Variants in RNLS observed in about 807,000 individuals in gnomAD.
The protein encoded by RNLS is renalase.
Under a neutral mutation model 39.8 loss-of-function variants are expected in RNLS, and 39 were observed. That is an observed-to-expected ratio of 0.98 (90% CI 0.76 to 1.28). RNLS has a LOEUF of 1.28. Among genes scored for constraint, RNLS ranks in the 50% most tolerant of loss-of-function variants. The pLI is 0.00. For missense variants in RNLS, 410 were observed against 413.3 expected, an observed-to-expected ratio of 0.99 and a Z score of 0.07; for synonymous variants, 147 against 150.7, an observed-to-expected ratio of 0.98 and a Z score of 0.18.
chr10:88,331,648 T>C (rs902992699), intron 5 of RNLS, among the ~76,000 whole-genome samples: 1 of 152,024 alleles, frequency 6.6e-6, no homozygotes. Context: ...AGGAGAGAAG[T>C]TGGACAAGGA....
At chr10:88,172,908 G>A in the RNLS span, among the ~76,000 whole-genome samples, 1 of 123,758 alleles carries the variant, frequency 8.1e-6, no homozygotes, top group South Asian at 2.8e-4. Flanking sequence ...CCAGGCTGGA[G>A]TGCAGTGGTG....
the RNLS span, among the ~76,000 whole-genome samples, chr10:88,206,799 A>G: frequency 2.0e-5 from 3 of 152,098 alleles, no homozygotes; most frequent in African/African-American, 7.2e-5. Context: ...AGACATCTCA[A>G]TACTTTTGAA....
chr10:88,269,888 C>T (rs1465132132), downstream of RNLS, among the ~76,000 whole-genome samples: 2 of 152,114 alleles, frequency 1.3e-5, no homozygotes, highest in Non-Finnish European at 2.9e-5. Flanking sequence ...CGCTCTGTTG[C>T]CCAGGCTGGA....
the RNLS span, among the ~76,000 whole-genome samples, chr10:88,244,344 C>T: frequency 6.6e-6 from 1 of 152,230 alleles, no homozygotes; most frequent in Admixed American, 6.5e-5. Context: ...GATGGTGTGA[C>T]AGGCACCGGG....
intron 4 of RNLS, among the ~76,000 whole-genome samples, chr10:88,432,112 T>C (rs1855170053): frequency 6.6e-6 from 1 of 151,792 alleles, no homozygotes; most frequent in East Asian, 1.9e-4. Context: ...TCATTTTTTT[T>C]CCTCATTATC....
At chr10:88,488,705 G>A (rs1589882176) in intron 4 of RNLS, among the ~76,000 whole-genome samples, 1 of 152,002 alleles carries the variant, frequency 6.6e-6, no homozygotes, top group Non-Finnish European at 1.5e-5. Flanking sequence ...ACGGCTAATA[G>A]AGCAAAAGTG....
intron 6 of RNLS, among the ~76,000 whole-genome samples, chr10:88,278,815 G>T (rs1842904896): frequency 6.6e-6 from 1 of 152,184 alleles, no homozygotes. Flanking sequence ...TATTGCCTCT[G>T]TTAAGGATGA....
At chr10:88,271,120 C>T (rs567492214), downstream of RNLS, among the ~76,000 whole-genome samples, 13 of 152,324 alleles carry the variant, frequency 8.5e-5, 1 homozygote, top group East Asian at 2.1e-3. Context: ...GCCTTTGATA[C>T]AGGGCATTTC....
chr10:88,344,763 T>C (rs1848196199), intron 5 of RNLS, among the ~76,000 whole-genome samples: 1 of 152,130 alleles, frequency 6.6e-6, no homozygotes, highest in African/African-American at 2.4e-5. Context: ...TGAGGAAAAC[T>C]ATATTTTAAA....
At chr10:88,195,117 A>G in the RNLS span, among the ~76,000 whole-genome samples, 3 of 152,146 alleles carry the variant, frequency 2.0e-5, no homozygotes, top group Non-Finnish European at 4.4e-5. Flanking sequence ...CCCCTTTTCA[A>G]AATGCTTGGT....
At chr10:88,459,106 T>G (rs963668698) in intron 4 of RNLS, among the ~76,000 whole-genome samples, 25 of 149,884 alleles carry the variant, frequency 1.7e-4, no homozygotes, top group South Asian at 2.1e-4. Context: ...CTTTTTTCTT[T>G]TTTTTTTTTT....
intron 4 of RNLS, among the ~76,000 whole-genome samples, chr10:88,428,300 C>T (rs1854928835): frequency 1.3e-5 from 2 of 150,408 alleles, no homozygotes; most frequent in Non-Finnish European, 3.0e-5. Context: ...TATAAAGTGT[C>T]CCCCACCTCC....
At chr10:88,198,239 C>G in the RNLS span, among the ~76,000 whole-genome samples, 1 of 152,108 alleles carries the variant, frequency 6.6e-6, no homozygotes, top group Non-Finnish European at 1.5e-5. Context: ...CAGCCACCAA[C>G]GTGTAGAGAC....
intron 4 of RNLS, among the ~76,000 whole-genome samples, chr10:88,443,756 C>T (rs4934406): frequency 0.18 from 27,299 of 152,226 alleles, 2,672 homozygotes; most frequent in Middle Eastern, 0.29. Context: ...AACTGCAATG[C>T]GGCAGTGAGG....
At position 88,573,063 on chromosome 10, in the gene RNLS, T is replaced by G; in HGVS notation, c.368-2A>C. Reference sequence around the variant, plus strand: ...GATGTCTGAAGTAGACTTCTGCACCTGTTCCAAAAGCAAAATCATGTCCCC... The same window carrying G: ...GATGTCTGAAGTAGACTTCTGCACCGGTTCCAAAAGCAAAATCATGTCCCC... On this transcript the variant is annotated splice_acceptor_variant, in intron 3 of 6. Coordinates refer to ENST00000331772, the MANE Select transcript of RNLS (RefSeq NM_001031709.3). LOFTEE classifies it high-confidence loss of function. 1.2e-6 allele frequency: 2 copies of G among 1,612,490 alleles called. No individual in the cohort carries two copies. The highest frequency in any genetic ancestry group is 1.7e-6 in the Non-Finnish European group (2 of 1,178,940).
chr10:88,197,294 A>G, the RNLS span, among the ~76,000 whole-genome samples: 1 of 152,196 alleles, frequency 6.6e-6, no homozygotes, highest in Non-Finnish European at 1.5e-5. Context: ...ATAAATAAAT[A>G]AAGACTGTTT....
intron 4 of RNLS, among the ~76,000 whole-genome samples, chr10:88,491,961 T>G (rs1844908988): frequency 6.6e-6 from 1 of 151,598 alleles, no homozygotes; most frequent in Non-Finnish European, 1.5e-5. Context: ...AGTTTTGTTT[T>G]TTTTTTTTTT....
chr10:88,186,066 A>T, the RNLS span, among the ~76,000 whole-genome samples: 2 of 152,196 alleles, frequency 1.3e-5, no homozygotes, highest in African/African-American at 4.8e-5. Flanking sequence ...GAGATAAGGA[A>T]AGTAAATAAA....
chr10:88,340,025 T>TAGGGAGG (rs1181007551), intron 5 of RNLS, among the ~76,000 whole-genome samples: 1 of 152,256 alleles, frequency 6.6e-6, no homozygotes, highest in African/African-American at 2.4e-5. Flanking sequence ...CTACACCTCG[T>TAGGGAGG]TCTTAGGACT....
Sources: allele counts gnomAD v4.1 joint callset (sites outside exome capture counted in the v4.1 genomes callset), GRCh38; gene constraint gnomAD v4.1.1; transcripts MANE v1.5; gene names NCBI Gene and HGNC (gene_info 2026-07-23, HGNC 2026-07-21).